The following BRAT1 variants were observed in gnomAD, a reference collection of about 807,000 sequenced individuals.
BRAT1 encodes integrator complex assembly factor BRAT1.
In BRAT1, 74 loss-of-function variants were observed where a neutral mutation model predicts 70.6. The observed-to-expected ratio is 1.05, with a 90% CI of 0.87 to 1.27. The LOEUF is 1.27. Ranked by LOEUF, BRAT1 falls within the 50% of genes most tolerant of loss-of-function variation. BRAT1 has a pLI of 0.00. For synonymous variants in BRAT1, 615 were observed against 517.1 expected (o/e 1.19, Z -2.57); for missense variants, 1,203 against 1,098.2 (o/e 1.10, Z -1.35).
At chr7:2,549,349 C>T (rs1779834105) in intron 2 of BRAT1, among the ~76,000 whole-genome samples, 1 of 151,910 alleles carries the variant, frequency 6.6e-6, no homozygotes, top group African/African-American at 2.4e-5. Context: ...TGGTGGCGCG[C>T]ATCTATAGTC....
chr7:2,541,924 C>T, intron 7 of BRAT1, 88 bp from the exon 8 acceptor site: 1 of 1,419,360 alleles, frequency 7.0e-7, no homozygotes, highest in Non-Finnish European at 9.8e-7. Context: ...ACCCACAGCA[C>T]AGGCCAGGAC....
rs112658000 is a variant in BRAT1, at chr7:2,541,806, G to A, written c.1046C>T (p.Thr349Met). Residue 349 changes from threonine to methionine, a missense_variant, in exon 8 of 14, where the codon ACG (threonine) becomes ATG (methionine). Thr to Met is a moderately conservative substitution (Grantham distance 81). Coordinates refer to ENST00000340611, the MANE Select transcript of BRAT1 (RefSeq NM_152743.4). ...GGAGGCCAGGAGTGTGTCCACCGTC[G>A]TGGCATCGTCTGCCGTCCCGTCCAG... ...GLLDGTADDA[T>M]TVDTLLASKS... The A allele has an allele frequency of 2.5e-5, 41 of 1,612,834 alleles. No individual in the cohort carries two copies. The African/African-American group carries it at 2.9e-4, about 12-fold the overall frequency.
At position 2,550,531 on chromosome 7, in the gene BRAT1, G is replaced by GA. The variant is rs11297774; in HGVS notation, c.128-3054dup. Among the ~76,000 whole-genome samples the GA allele has an allele frequency of 5.9e-3, 594 of 100,742 alleles. 7 individuals are homozygous for GA. The highest frequency in any genetic ancestry group is 0.043 in the East Asian group (156 of 3,624). 66.1% of individuals were successfully genotyped at this position (100,742 alleles called of 152,430 possible). A position where few individuals can be genotyped will look rare whatever the true frequency, so the allele number is the denominator to read the frequency against. On this transcript the variant is annotated intron_variant, in intron 2 of 13. Transcript: ENST00000340611. ...AAAAGAAAAAAATAATATGTAAAGC[G>GA]AAAAAAAAAAAAAGGATGCATCTCA... is the stretch of plus-strand genomic sequence containing the variant.
chr7:2,555,445 C>T (rs1562598935), intron 1 of BRAT1, 42 bp downstream of exon 1: 1 of 152,320 alleles, frequency 6.6e-6, no homozygotes. Flanking sequence ...TCCCCGCGCC[C>T]CACTACCACG....
At chr7:2,547,681 TAAC>T (rs1486800769) in intron 2 of BRAT1, among the ~76,000 whole-genome samples, 11 of 152,344 alleles carry the variant, frequency 7.2e-5, no homozygotes, top group South Asian at 2.1e-4. Context: ...GCCAACACCT[TAAC>T]AACAGGTGAA....
Position 2,538,620 on chromosome 7 carries a change from G to A in BRAT1, c.1915C>T (p.Leu639=). 6.3e-7 allele frequency: 1 copy of A among 1,598,196 alleles called. No homozygotes were observed. Among genetic ancestry groups the A allele is most frequent in the Non-Finnish European group, 8.5e-7 (1 of 1,179,282 alleles). Residue 639 remains leucine, a synonymous_variant, in exon 14 of 14, where the codon CTG becomes TTG. Transcript: ENST00000340611. ...TCCAGGTCTCGGCTCGCCGCCTGCA[G>A]CACAGTGGCCACGAACTGCTCCGTG... is the stretch of plus-strand genomic sequence containing the variant. ...QDTEQFVATV[L]QAASRDLDWE...
At chr7:2,546,683 T>G (rs1779630231) in intron 3 of BRAT1, among the ~76,000 whole-genome samples, 1 of 151,182 alleles carries the variant, frequency 6.6e-6, no homozygotes, top group African/African-American at 2.4e-5. Context: ...TGCAGTTAGC[T>G]GAGTTCGAAC....
chr7:2,539,143 C>T (rs760270919), intron 13 of BRAT1, 36 bp downstream of exon 13: 46 of 1,568,694 alleles, frequency 2.9e-5, no homozygotes, highest in African/African-American at 1.8e-4. Context: ...GATGGCCAGG[C>T]GGGAGTTGCT....
chr7:2,552,081 A>AATACATATAT (rs1198193898), intron 2 of BRAT1, among the ~76,000 whole-genome samples: 5 of 23,384 alleles, frequency 2.1e-4, no homozygotes, highest in African/African-American at 1.1e-3. Context: ...CATAGTCTTA[A>AATACATATAT]ATATATATAT....
intron 3 of BRAT1, 104 bp downstream of exon 3, chr7:2,547,220 C>T (rs1289133673): frequency 6.9e-7 from 1 of 1,451,558 alleles, no homozygotes; most frequent in African/African-American, 1.4e-5. Context: ...GGGCAGGCCG[C>T]TGGGACTTGG....
At chr7:2,541,916 CCACAG>C in intron 7 of BRAT1, 80 bp from the exon 8 acceptor site, 1 of 1,474,214 alleles carries the variant, frequency 6.8e-7, no homozygotes, top group African/African-American at 1.4e-5. Context: ...CGGTCACCAC[CCACAG>C]CACAGGCCAG....
intron 4 of BRAT1, chr7:2,544,232 T>A (rs899848912): frequency 1.7e-5 from 4 of 238,752 alleles, no homozygotes. Flanking sequence ...AGACAGAGTC[T>A]TGTTCTGTTG....
In BRAT1 at chr7:2,538,710, G is replaced by A. The variant is rs886039312; in HGVS notation, c.1825C>T (p.Arg609Trp). Residue 609 changes from arginine to tryptophan, a missense_variant, in exon 14 of 14, where the codon CGG becomes TGG. Physicochemically the swap from Arg to Trp is moderately radical, Grantham distance 101. Transcript: ENST00000340611. Reference sequence around the variant, plus strand: ...GTGAAGACTTGCATGACCGCCCGCCGTGGGAAGCCCTCCGAGTCTACGGAG... The same window carrying A: ...GTGAAGACTTGCATGACCGCCCGCCATGGGAAGCCCTCCGAGTCTACGGAG... The part of the protein sequence containing the change: ...ILSVDSEGFP[R>W]RAVMQVFTEW... 6.3e-6 allele frequency: 10 copies of A among 1,598,334 alleles called. No individual in the cohort carries two copies. The highest frequency in any genetic ancestry group is 7.6e-6 in the Non-Finnish European group (9 of 1,179,870).
rs565014129 is a variant in BRAT1, at chr7:2,541,069, T to A, written c.1322-17A>T. ...CCTGGGGGCCTGAGACAGAGGTGAGTGGATAAACCACCCCCACCCCCACCC... is the reference window on the plus strand; with the variant it reads ...CCTGGGGGCCTGAGACAGAGGTGAGAGGATAAACCACCCCCACCCCCACCC... On this transcript the variant is annotated splice_polypyrimidine_tract_variant and intron_variant, in intron 9 of 13. Transcript: ENST00000340611. 1 of 1,544,390 alleles carries A rather than the reference T, an allele frequency of 6.5e-7. No homozygotes were observed. Among genetic ancestry groups the A allele is most frequent in the African/African-American group, 1.4e-5 (1 of 70,714 alleles).
Position 2,539,650 on chromosome 7 carries a change from G to A in BRAT1, c.1499-8C>T, listed in dbSNP as rs370879134. ...GCAGCACAGGGAACAGCTCTAGGGT[G>A]GGAAGGGACAGGTCAGGGTGACCTT... is the stretch of plus-strand genomic sequence containing the variant. On this transcript the variant is annotated splice_polypyrimidine_tract_variant and splice_region_variant and intron_variant, in intron 11 of 13. Coordinates refer to ENST00000340611, the MANE Select transcript of BRAT1 (RefSeq NM_152743.4). 233 of 1,586,760 alleles carry A rather than the reference G, an allele frequency of 1.5e-4. 2 individuals carry two copies. In the South Asian group the frequency reaches 1.7e-3, roughly 11 times the overall value.
At position 2,538,426 on chromosome 7, in the gene BRAT1, GAAGTCA is replaced by G. The variant is rs1562564764; in HGVS notation, c.2103_2108del (p.Asp702_Phe703del). 1 of 1,613,408 alleles carries G rather than the reference GAAGTCA, an allele frequency of 6.2e-7. No individual in the cohort carries two copies. The highest frequency in any genetic ancestry group is 1.1e-5 in the South Asian group (1 of 91,090). On this transcript the variant is annotated inframe_deletion, in exon 14 of 14. Transcript: ENST00000340611. Reference sequence around the variant, plus strand: ...CGCAGTCAAACAAGGCACAAAAGGCGAAGTCAAAGAGCCCCACGTGGCAGAGAGCCC... The same window carrying G: ...CGCAGTCAAACAAGGCACAAAAGGCGAAGAGCCCCACGTGGCAGAGAGCCC...
In BRAT1 at chr7:2,544,944, T is replaced by C. The variant is rs1021265149; in HGVS notation, c.395A>G (p.Gln132Arg). The part of the protein sequence containing the change: ...GWIQGLRSLA[Q>R]HPSALRFLAD... Reference sequence around the variant, plus strand: ...CAGGAAGCGCAGGGCGCTGGGGTGCTGTGCCAGGGAGCGCAGGCCCTGGAT... The same window carrying C: ...CAGGAAGCGCAGGGCGCTGGGGTGCCGTGCCAGGGAGCGCAGGCCCTGGAT... The change falls in exon 4 of 14, where the codon CAG becomes CGG. Residue 132 changes from glutamine (Q) to arginine (R), a missense_variant. By Grantham distance (43) the Gln-to-Arg change is conservative. Coordinates refer to ENST00000340611, the MANE Select transcript of BRAT1 (RefSeq NM_152743.4). The C allele has an allele frequency of 6.4e-7, 1 of 1,557,032 alleles. No homozygotes were observed. The highest frequency in any genetic ancestry group is 8.7e-7 in the Non-Finnish European group (1 of 1,150,532).
intron 9 of BRAT1, 72 bp downstream of exon 9, chr7:2,541,226 G>T: frequency 6.7e-7 from 1 of 1,498,796 alleles, no homozygotes; most frequent in East Asian, 2.3e-5. Flanking sequence ...CAGTTCCCGG[G>T]TGCCTCCGAG....
chr7:2,538,983 C>T, intron 13 of BRAT1, 196 bp downstream of exon 13: 1 of 1,439,490 alleles, frequency 6.9e-7, no homozygotes, highest in Admixed American at 2.8e-5. Context: ...TGGAGGGGTG[C>T]TGGGGAGACA....
Sources: gnomAD v4.1 joint callset for allele counts (sites outside exome capture counted in the v4.1 genomes callset) on GRCh38, gnomAD v4.1.1 for gene constraint, MANE v1.5 for transcripts, NCBI Gene and HGNC (gene_info 2026-07-23, HGNC 2026-07-21) for gene names.